TMEM178B: variants seen among roughly 807,000 people sequenced by gnomAD.
TMEM178B encodes the protein transmembrane protein 178B.
A neutral mutation model predicts 31.0 loss-of-function variants in TMEM178B; 5 were observed. That is an observed-to-expected ratio of 0.16 (90% confidence interval 0.08 to 0.34). TMEM178B has a LOEUF of 0.34. Among genes scored for constraint, TMEM178B ranks in the 10% least tolerant of loss-of-function variants. TMEM178B has a pLI of 1.00. For synonymous variants in TMEM178B, 164 were observed against 164.0 expected, an observed-to-expected ratio of 1.00 and a Z score of 0.00; for missense variants, 275 against 400.3, an observed-to-expected ratio of 0.69 and a Z score of 2.67.
chr7:141,343,849 G>A (rs1315080575), intron 2 of TMEM178B, among the ~76,000 whole-genome samples: 7 of 152,016 alleles, frequency 4.6e-5, no homozygotes, highest in Non-Finnish European at 8.8e-5. Context: ...GCGCCCAGCC[G>A]GGAACTCTTT....
At chr7:141,085,150 ATTTTTTTTTTTTT>A (rs61516388) in intron 1 of TMEM178B, among the ~76,000 whole-genome samples, 3 of 74,540 alleles carry the variant, frequency 4.0e-5, no homozygotes, top group Non-Finnish European at 5.2e-5. Flanking sequence ...GCTAATTTGT[ATTTTTTTTTTTTT>A]TTTTTTTTTT....
intron 2 of TMEM178B, among the ~76,000 whole-genome samples, chr7:141,402,240 C>T (rs1431427553): frequency 6.6e-6 from 1 of 152,158 alleles, no homozygotes; most frequent in Non-Finnish European, 1.5e-5. Flanking sequence ...TCCATTCCAG[C>T]ATGGGAGGGC....
intron 1 of TMEM178B, among the ~76,000 whole-genome samples, chr7:141,146,087 G>A (rs932237437): frequency 1.3e-5 from 2 of 152,112 alleles, no homozygotes; most frequent in East Asian, 1.9e-4. Flanking sequence ...AATAAAGCTC[G>A]GCAAAGTAGG....
Position 141,470,805 on chromosome 7 carries a change from C to A in TMEM178B, c.*19C>A. 1 of 1,104,426 alleles carries A rather than the reference C, an allele frequency of 9.1e-7. No homozygotes were observed. The highest frequency in any genetic ancestry group is 1.1e-6 in the Non-Finnish European group (1 of 880,024). 68.4% of individuals were successfully genotyped at this position (1,104,426 alleles called of 1,614,324 possible). Reference sequence around the variant, plus strand: ...GTGCTAAAAAACAAACCCATACATACATATATATATATAAATATATATATA... The same window carrying A: ...GTGCTAAAAAACAAACCCATACATAAATATATATATATAAATATATATATA... On this transcript the variant is annotated 3_prime_UTR_variant, in exon 4 of 4. Transcript: ENST00000565468.
chr7:141,404,094 A>G (rs117800948), intron 2 of TMEM178B, among the ~76,000 whole-genome samples: 3,466 of 152,276 alleles, frequency 0.023, 51 homozygotes, highest in Middle Eastern at 0.037. Context: ...TCACGTGGTC[A>G]GGAGCTCGAG....
intron 1 of TMEM178B, among the ~76,000 whole-genome samples, chr7:141,202,406 T>C (rs1796892714): frequency 6.6e-6 from 1 of 152,152 alleles, no homozygotes; most frequent in African/African-American, 2.4e-5. Context: ...TGAAATTCCA[T>C]GTGTGTAATG....
At chr7:141,393,523 G>T (rs959035008) in intron 2 of TMEM178B, among the ~76,000 whole-genome samples, 5 of 152,170 alleles carry the variant, frequency 3.3e-5, no homozygotes, top group African/African-American at 1.2e-4. Flanking sequence ...AGGAGCAGGG[G>T]AAGATTTCTA....
chr7:141,277,697 G>A (rs143426080), intron 2 of TMEM178B, among the ~76,000 whole-genome samples: 5 of 152,202 alleles, frequency 3.3e-5, no homozygotes, highest in South Asian at 2.1e-4. Context: ...CTGAAATGTC[G>A]TTTTGCAGCT....
At chr7:141,499,850 G>C in the TMEM178B span, among the ~76,000 whole-genome samples, 1 of 152,176 alleles carries the variant, frequency 6.6e-6, no homozygotes, top group Non-Finnish European at 1.5e-5. Context: ...GAGAAAAGCA[G>C]CTTGGCAGAA....
chr7:141,166,591 A>C (rs1796266157), intron 1 of TMEM178B, among the ~76,000 whole-genome samples: 1 of 152,206 alleles, frequency 6.6e-6, no homozygotes, highest in South Asian at 2.1e-4. Flanking sequence ...GGATAGGAAG[A>C]AACATTCCTG....
Position 141,149,478 on chromosome 7 carries a change from G to A in TMEM178B, c.383-63113G>A, listed in dbSNP as rs142003897. ...CAGAAGAATTGTTTGAACACTTGAG[G>A]TGGAGGTTGCAGTGAGCCGAGATCG... On this transcript the variant is annotated intron_variant, in intron 1 of 3. Transcript: ENST00000565468. Among the ~76,000 whole-genome samples, 345 of 152,284 alleles carry A rather than the reference G, an allele frequency of 2.3e-3. 1 individual carries two copies. The highest frequency in any genetic ancestry group is 0.01 in the Middle Eastern group (3 of 294).
At chr7:141,098,939 C>T (rs185716278) in intron 1 of TMEM178B, among the ~76,000 whole-genome samples, 9 of 152,264 alleles carry the variant, frequency 5.9e-5, no homozygotes, top group Admixed American at 2.0e-4. Context: ...GGCTCCATCT[C>T]GGCCATTGTT....
chr7:141,191,326 G>C (rs961671786), intron 1 of TMEM178B, among the ~76,000 whole-genome samples: 11 of 152,208 alleles, frequency 7.2e-5, no homozygotes, highest in Admixed American at 1.3e-4. Context: ...TTGTACATCT[G>C]TCATTTCACA....
intron 2 of TMEM178B, among the ~76,000 whole-genome samples, chr7:141,372,487 C>T (rs1263180653): frequency 6.6e-6 from 1 of 152,126 alleles, no homozygotes; most frequent in African/African-American, 2.4e-5. Flanking sequence ...GACTGCCTTC[C>T]ATGCAGCAGT....
the TMEM178B span, among the ~76,000 whole-genome samples, chr7:141,487,845 T>C: frequency 6.7e-6 from 1 of 148,766 alleles, no homozygotes; most frequent in Admixed American, 6.7e-5. Flanking sequence ...TTTCAAAAAA[T>C]GTAAAAATAT....
chr7:141,337,146 T>G (rs62638831), intron 2 of TMEM178B, among the ~76,000 whole-genome samples: 1 of 4,712 alleles, frequency 2.1e-4, no homozygotes, highest in African/African-American at 2.0e-3. Context: ...ACCACCATCA[T>G]CACCACCACC....
intron 3 of TMEM178B, among the ~76,000 whole-genome samples, chr7:141,452,695 C>A (rs2116706220): frequency 6.6e-6 from 1 of 152,194 alleles, no homozygotes; most frequent in Non-Finnish European, 1.5e-5. Context: ...GTGCTGCTTA[C>A]CCTGTAGGGT....
At position 141,181,238 on chromosome 7, in the gene TMEM178B, A is replaced by G. The variant is rs574640650; in HGVS notation, c.383-31353A>G. The stretch of plus-strand genomic sequence containing the variant: ...TGTTCATAAATACATCTTCAAATGT[A>G]TCATTAGATTGTAAGCCCTTTGAGG... On this transcript the variant is annotated intron_variant, in intron 1 of 3. Coordinates refer to ENST00000565468, the MANE Select transcript of TMEM178B (RefSeq NM_001195278.2). Among the ~76,000 whole-genome samples, 3 of 152,388 alleles carry G rather than the reference A, an allele frequency of 2.0e-5. No homozygotes were observed. The East Asian group carries it at 5.8e-4, about 29-fold the overall frequency.
intron 2 of TMEM178B, among the ~76,000 whole-genome samples, chr7:141,384,433 C>A (rs1206828473): frequency 2.0e-5 from 3 of 152,140 alleles, no homozygotes; most frequent in Non-Finnish European, 4.4e-5. Flanking sequence ...AGCTTTCTAC[C>A]TATGGCTAGC....
Sources: allele counts gnomAD v4.1 joint callset (sites outside exome capture counted in the v4.1 genomes callset), GRCh38; gene constraint gnomAD v4.1.1; transcripts MANE v1.5; gene names NCBI Gene and HGNC (gene_info 2026-07-23, HGNC 2026-07-21).